Variants in ADD1 observed in about 807,000 individuals in gnomAD.
The protein encoded by ADD1 is alpha-adducin.
A neutral mutation model predicts 80.5 loss-of-function variants in ADD1; 24 were observed. The observed-to-expected ratio is 0.30, with a 90% CI of 0.22 to 0.42. ADD1 has a LOEUF of 0.42. Among genes scored for constraint, ADD1 ranks in the 10% least tolerant of loss-of-function variants. ADD1 has a pLI of 1.00. For missense variants in ADD1, 948 were observed against 1,019.0 expected (o/e 0.93, Z 0.95); for synonymous variants, 373 against 393.8 (o/e 0.95, Z 0.63).
intron 4 of ADD1, among the ~76,000 whole-genome samples, chr4:2,885,762 ACC>A (rs1733183933): frequency 4.6e-5 from 7 of 151,760 alleles, no homozygotes; most frequent in Admixed American, 4.6e-4. Context: ...GGCGCCCGCC[ACC>A]ACGCCTGGCT....
chr4:2,925,542 C>A (rs377611016), intron 14 of ADD1, among the ~76,000 whole-genome samples: 5 of 152,178 alleles, frequency 3.3e-5, no homozygotes, highest in African/African-American at 4.8e-5. Flanking sequence ...ATACGTATTA[C>A]AGTTGCCAAG....
intron 1 of ADD1, among the ~76,000 whole-genome samples, chr4:2,869,009 C>G (rs1730002282): frequency 6.6e-6 from 1 of 152,240 alleles, no homozygotes; most frequent in South Asian, 2.1e-4. Flanking sequence ...ACTGCGCTCA[C>G]TCTGCTGTGT....
intron 1 of ADD1, among the ~76,000 whole-genome samples, chr4:2,849,339 A>G (rs1444854534): frequency 6.6e-6 from 1 of 152,122 alleles, no homozygotes; most frequent in Non-Finnish European, 1.5e-5. Context: ...GGTTCATACA[A>G]TTGATCTGAG....
chr4:2,863,403 T>C (rs1729094468), intron 1 of ADD1, among the ~76,000 whole-genome samples: 1 of 151,984 alleles, frequency 6.6e-6, no homozygotes, highest in Non-Finnish European at 1.5e-5. Flanking sequence ...AATGTTAATA[T>C]AGGAAAGTGG....
At chr4:2,887,263 C>G (rs1047409035) in intron 4 of ADD1, among the ~76,000 whole-genome samples, 1 of 152,064 alleles carries the variant, frequency 6.6e-6, no homozygotes, top group Non-Finnish European at 1.5e-5. Context: ...ATGGTATAGA[C>G]GCTTAACAGA....
chr4:2,863,697 G>T (rs1729130022), intron 1 of ADD1, among the ~76,000 whole-genome samples: 1 of 151,280 alleles, frequency 6.6e-6, no homozygotes, highest in South Asian at 2.1e-4. Context: ...ATCACTCATG[G>T]TTGCCATTAC....
chr4:2,898,474 G>C lies in ADD1; in HGVS notation c.927G>C (p.Glu309Asp), dbSNP rs1396258746. ...LRNHGLVSVG[E>D]SVEEAFYYIH... is the part of the protein sequence containing the mutation. ...ACCATGGGCTCGTGTCAGTTGGAGAGAGCGTTGAGGAGGCCTTCTATTACA... is the reference window on the plus strand; with the variant it reads ...ACCATGGGCTCGTGTCAGTTGGAGACAGCGTTGAGGAGGCCTTCTATTACA... The change falls in exon 8 of 16, where the codon GAG becomes GAC. Residue 309 changes from glutamate to aspartate, a missense_variant. Physicochemically the swap from Glu to Asp is conservative, Grantham distance 45. Coordinates refer to ENST00000683351, the MANE Select transcript of ADD1 (RefSeq NM_001354761.2). The C allele has an allele frequency of 2.5e-6, 4 of 1,614,122 alleles. No homozygotes were observed. Among genetic ancestry groups the C allele is most frequent in the Non-Finnish European group, 3.4e-6 (4 of 1,180,054 alleles).
At chr4:2,863,780 G>T (rs1729147728) in intron 1 of ADD1, among the ~76,000 whole-genome samples, 1 of 152,010 alleles carries the variant, frequency 6.6e-6, no homozygotes, top group Non-Finnish European at 1.5e-5. Flanking sequence ...TGTTGCCCAG[G>T]CTGGTCTCAA....
Position 2,852,430 on chromosome 4 carries a change from G to T in ADD1, c.-21+8406G>T, listed in dbSNP as rs182907745. Among the ~76,000 whole-genome samples the T allele has an allele frequency of 2.1e-4, 31 of 148,314 alleles. 1 individual carries two copies. The East Asian group carries it at 5.7e-3, about 27-fold the overall frequency. On this transcript the variant is annotated intron_variant, in intron 1 of 15. Coordinates refer to ENST00000683351, the MANE Select transcript of ADD1 (RefSeq NM_001354761.2). ...CAACCTCCGCCTCCCGGGTTCAAGC[G>T]ATTCTTGTGCCCCAGCGTACTGAGT...
At chr4:2,884,261 A>T (rs1224800085) in intron 3 of ADD1, among the ~76,000 whole-genome samples, 1 of 152,196 alleles carries the variant, frequency 6.6e-6, no homozygotes, top group Admixed American at 6.5e-5. Context: ...AGTTTTCAAG[A>T]CTTTATTGTC....
intron 1 of ADD1, among the ~76,000 whole-genome samples, chr4:2,859,846 A>G (rs368372045): frequency 6.6e-6 from 1 of 152,086 alleles, no homozygotes; most frequent in Non-Finnish European, 1.5e-5. Context: ...TGCGTTATTC[A>G]TAAGATCACT....
rs767733386 is a variant in ADD1 at position 2,907,792 on chromosome 4, T to A, written c.1556T>A (p.Leu519Gln). The change falls in exon 11 of 16, where the codon CTG (leucine) becomes CAG (glutamine). Residue 519 changes from leucine to glutamine, a missense_variant. Coordinates refer to ENST00000683351, the MANE Select transcript of ADD1 (RefSeq NM_001354761.2). The part of the protein sequence containing the change: ...HRTSTSAVPN[L>Q]FVPLNTNPKE... ...ACTTCCACCTCTGCTGTCCCTAACC[T>A]GTTTGTTCCATTGAACACTAACCCA... 1 of 1,614,116 alleles carries A rather than the reference T, an allele frequency of 6.2e-7. No homozygotes were observed. Among genetic ancestry groups the A allele is most frequent in the East Asian group, 2.2e-5 (1 of 44,882 alleles).
chr4:2,870,793 G>A (rs1730308110), intron 1 of ADD1, among the ~76,000 whole-genome samples: 1 of 152,166 alleles, frequency 6.6e-6, no homozygotes, highest in Non-Finnish European at 1.5e-5. Context: ...ATTGAAGAGT[G>A]TTAGGATTGT....
At chr4:2,899,691 A>G in intron 9 of ADD1, 1 of 492,586 alleles carries the variant, frequency 2.0e-6, no homozygotes, top group Non-Finnish European at 3.7e-6. Flanking sequence ...GAGCACAGAG[A>G]ATGCGTAGGC....
chr4:2,883,894 A>T (rs1439132599), intron 3 of ADD1, among the ~76,000 whole-genome samples: 1 of 152,016 alleles, frequency 6.6e-6, no homozygotes, highest in Non-Finnish European at 1.5e-5. Flanking sequence ...GATGGTCTCG[A>T]TCTCCTGACC....
intron 1 of ADD1, among the ~76,000 whole-genome samples, chr4:2,868,993 C>T (rs955657389): frequency 1.3e-5 from 2 of 152,150 alleles, no homozygotes; most frequent in South Asian, 2.1e-4. Context: ...AATCAGACGA[C>T]GGTTGACTGC....
At chr4:2,883,067 G>C (rs1732636700) in intron 3 of ADD1, among the ~76,000 whole-genome samples, 1 of 152,102 alleles carries the variant, frequency 6.6e-6, no homozygotes, top group South Asian at 2.1e-4. Context: ...TCGCCATGTT[G>C]GCCATGCTGG....
At chr4:2,866,941 C>T (rs945885471) in intron 1 of ADD1, among the ~76,000 whole-genome samples, 6 of 152,032 alleles carry the variant, frequency 3.9e-5, no homozygotes, top group South Asian at 4.1e-4. Context: ...CATGGTGGCA[C>T]GCTCCTGTAG....
chr4:2,915,466 C>G (rs1160066612), intron 14 of ADD1, among the ~76,000 whole-genome samples: 3 of 152,152 alleles, frequency 2.0e-5, no homozygotes, highest in Admixed American at 1.3e-4. Context: ...CGATGAAACG[C>G]CGTCTCTAGG....
Sources: gnomAD v4.1 joint callset for allele counts (sites outside exome capture counted in the v4.1 genomes callset) on GRCh38, gnomAD v4.1.1 for gene constraint, MANE v1.5 for transcripts, NCBI Gene and HGNC (gene_info 2026-07-23, HGNC 2026-07-21) for gene names.